The following SYT9 variants were observed in gnomAD, a reference collection of about 807,000 sequenced individuals.
SYT9 encodes synaptotagmin-9.
A neutral mutation model predicts 48.4 loss-of-function variants in SYT9; 22 were observed. The observed-to-expected ratio is 0.45, with a 90% CI of 0.32 to 0.65. The LOEUF is 0.65. Ranked by LOEUF, SYT9 falls within the 30% of genes least tolerant of loss-of-function variation. SYT9 has a pLI of 0.03. For missense variants in SYT9, 577 were observed against 622.0 expected, an observed-to-expected ratio of 0.93 and a Z score of 0.77; for synonymous variants, 265 against 245.0, an observed-to-expected ratio of 1.08 and a Z score of -0.76.
chr11:7,291,316 G>C (rs1026069537), intron 1 of SYT9, among the ~76,000 whole-genome samples: 1 of 152,162 alleles, frequency 6.6e-6, no homozygotes, highest in African/African-American at 2.4e-5. Flanking sequence ...GCAAATGTTA[G>C]GACATGGTTT....
chr11:7,407,263 C>A (rs938992043), intron 3 of SYT9, among the ~76,000 whole-genome samples: 2 of 151,710 alleles, frequency 1.3e-5, no homozygotes, highest in African/African-American at 2.4e-5. Context: ...TTCAGGCAGG[C>A]CTTAGCCATG....
At chr11:7,258,500 C>G (rs896359907) in intron 1 of SYT9, among the ~76,000 whole-genome samples, 6 of 151,952 alleles carry the variant, frequency 3.9e-5, no homozygotes, top group African/African-American at 1.5e-4. Flanking sequence ...CTTCATATGG[C>G]CTTGCACATG....
chr11:7,362,247 T>C (rs1850153161), intron 3 of SYT9, among the ~76,000 whole-genome samples: 1 of 151,540 alleles, frequency 6.6e-6, no homozygotes, highest in Non-Finnish European at 1.5e-5. Context: ...TGGGTTCAAG[T>C]GATTCTCCTG....
At chr11:7,262,741 G>T (rs1235535345) in intron 1 of SYT9, among the ~76,000 whole-genome samples, 1 of 152,066 alleles carries the variant, frequency 6.6e-6, no homozygotes, top group Non-Finnish European at 1.5e-5. Flanking sequence ...TGGAAGTAAT[G>T]TTGACAAGCA....
At chr11:7,401,307 G>GTA (rs1846888610) in intron 3 of SYT9, among the ~76,000 whole-genome samples, 2 of 150,116 alleles carry the variant, frequency 1.3e-5, no homozygotes, top group Admixed American at 6.7e-5. Flanking sequence ...ATTATATTTT[G>GTA]TATATATATA....
upstream of SYT9, among the ~76,000 whole-genome samples, chr11:7,251,461 C>G (rs1847866803): frequency 6.6e-6 from 1 of 152,096 alleles, no homozygotes; most frequent in African/African-American, 2.4e-5. Context: ...CCTTTGTTGG[C>G]GAATCTTGGA....
intron 3 of SYT9, among the ~76,000 whole-genome samples, chr11:7,392,849 G>T (rs11530454): frequency 0.09 from 13,686 of 151,676 alleles, 651 homozygotes; most frequent in Middle Eastern, 0.15. Flanking sequence ...GGTATTTTTT[G>T]TGTGTGTGTG....
At chr11:7,287,894 T>G (rs748548338) in intron 1 of SYT9, among the ~76,000 whole-genome samples, 1 of 152,236 alleles carries the variant, frequency 6.6e-6, no homozygotes, top group Non-Finnish European at 1.5e-5. Flanking sequence ...ACCAAACACC[T>G]TATGTTTTTA....
chr11:7,304,512 A>G (rs140923148), intron 2 of SYT9, among the ~76,000 whole-genome samples: 6 of 152,344 alleles, frequency 3.9e-5, no homozygotes, highest in African/African-American at 1.4e-4. Context: ...TGTTCTCCAG[A>G]AACAGAAATA....
intron 2 of SYT9, among the ~76,000 whole-genome samples, chr11:7,307,037 G>T (rs1207150299): frequency 6.6e-6 from 1 of 152,210 alleles, no homozygotes; most frequent in East Asian, 1.9e-4. Flanking sequence ...AAACTGAGCA[G>T]AGCCTGTAAT....
intron 3 of SYT9, among the ~76,000 whole-genome samples, chr11:7,398,412 C>CTT (rs71059106): frequency 7.9e-6 from 1 of 125,838 alleles, no homozygotes; most frequent in Admixed American, 7.7e-5. Flanking sequence ...GTTTTCTTTT[C>CTT]TTTTTTTTTT....
intron 1 of SYT9, among the ~76,000 whole-genome samples, chr11:7,302,104 G>A (rs1848932112): frequency 6.6e-6 from 1 of 152,280 alleles, no homozygotes; most frequent in South Asian, 2.1e-4. Flanking sequence ...GATTTTCCTG[G>A]CCACTGAAGC....
chr11:7,377,621 A>G (rs1850478119), intron 3 of SYT9, among the ~76,000 whole-genome samples: 1 of 152,154 alleles, frequency 6.6e-6, no homozygotes, highest in Non-Finnish European at 1.5e-5. Context: ...GGTGAGAGGC[A>G]AGGCCATCTC....
At chr11:7,389,507 A>G (rs1478408902) in intron 3 of SYT9, among the ~76,000 whole-genome samples, 1 of 152,176 alleles carries the variant, frequency 6.6e-6, no homozygotes, top group Non-Finnish European at 1.5e-5. Context: ...TAGATGAACT[A>G]CAAAAGGAAT....
chr11:7,368,621 T>G (rs894102151), intron 3 of SYT9, among the ~76,000 whole-genome samples: 2 of 152,062 alleles, frequency 1.3e-5, no homozygotes, highest in Non-Finnish European at 2.9e-5. Context: ...CAGTGTTTGG[T>G]TTTCTGTTCC....
chr11:7,276,843 C>T (rs1283744810), intron 1 of SYT9, among the ~76,000 whole-genome samples: 3 of 151,706 alleles, frequency 2.0e-5, no homozygotes, highest in South Asian at 2.1e-4. Context: ...GTCAGGTGTT[C>T]GAGACCAGCC....
At chr11:7,417,109 C>A (rs1847265724) in intron 4 of SYT9, among the ~76,000 whole-genome samples, 1 of 152,000 alleles carries the variant, frequency 6.6e-6, no homozygotes, top group South Asian at 2.1e-4. Context: ...GGCTTACATC[C>A]TCTGAAATCA....
intron 3 of SYT9, among the ~76,000 whole-genome samples, chr11:7,346,582 C>A (rs1849804723): frequency 1.3e-5 from 2 of 152,188 alleles, no homozygotes; most frequent in African/African-American, 4.8e-5. Context: ...TATGGAAGAG[C>A]CTCTGCCTTC....
At chr11:7,444,088 C>T (rs574051491) in intron 6 of SYT9, 3 of 152,362 alleles carry the variant, frequency 2.0e-5, no homozygotes, top group South Asian at 2.1e-4. Flanking sequence ...CTCCATCCTC[C>T]CTGGGCTGAG....
Sources: allele counts gnomAD v4.1 joint callset (sites outside exome capture counted in the v4.1 genomes callset), GRCh38; gene constraint gnomAD v4.1.1; transcripts MANE v1.5; gene names NCBI Gene and HGNC (gene_info 2026-07-23, HGNC 2026-07-21).